Variants in KDM4C observed in about 807,000 individuals in gnomAD.
KDM4C encodes the protein lysine-specific demethylase 4C.
Under a neutral mutation model 129.3 loss-of-function variants are expected in KDM4C, and 81 were observed. The observed-to-expected ratio is 0.63, with a 90% confidence interval of 0.52 to 0.75. KDM4C has a LOEUF of 0.75. KDM4C is among the 30% of genes least tolerant of loss of function. KDM4C has a pLI of 0.00. For missense variants in KDM4C, 1,457 were observed against 1,304.0 expected, an observed-to-expected ratio of 1.12 and a Z score of -1.81; for synonymous variants, 573 against 456.1, an observed-to-expected ratio of 1.26 and a Z score of -3.26.
At chr9:6,757,591 C>T, upstream of KDM4C, 7 of 977,878 alleles carry the variant, frequency 7.2e-6, no homozygotes, top group Non-Finnish European at 8.5e-6. Context: ...CCAGTACATT[C>T]CGAGGCTCCA....
At chr9:6,781,230 T>C (rs1824273475) in intron 1 of KDM4C, among the ~76,000 whole-genome samples, 1 of 152,184 alleles carries the variant, frequency 6.6e-6, no homozygotes. Flanking sequence ...TTGATTCTCA[T>C]TATTTGCAGT....
chr9:6,818,992 G>A (rs1210532932), intron 4 of KDM4C: 1 of 152,180 alleles, frequency 6.6e-6, no homozygotes, highest in African/African-American at 2.4e-5. Flanking sequence ...AGGCTTCTGA[G>A]AAGAAGGTTG....
At chr9:7,061,314 C>G (rs2890736) in intron 17 of KDM4C, among the ~76,000 whole-genome samples, 81,110 of 152,038 alleles carry the variant, frequency 0.53, 22,702 homozygotes, top group Non-Finnish European at 0.63. Context: ...GGATGCATAT[C>G]AATTTCATGT....
In KDM4C at chr9:6,902,351, A is replaced by G. The variant is rs111925019; in HGVS notation, c.921+9119A>G. Among the ~76,000 whole-genome samples, 579 of 152,300 alleles carry G rather than the reference A, an allele frequency of 3.8e-3. 4 individuals are homozygous for G. Among genetic ancestry groups the G allele is most frequent in the African/African-American group, 0.013 (550 of 41,554 alleles). On this transcript the variant is annotated intron_variant, in intron 8 of 21. Transcript: ENST00000381309. Reference sequence around the variant, plus strand: ...AATAGAGTAGATGTTAAAGATAGGAATGCACTGTATATACCTCTTTCTGAA... The same window carrying G: ...AATAGAGTAGATGTTAAAGATAGGAGTGCACTGTATATACCTCTTTCTGAA...
At chr9:7,053,277 AG>A (rs1379235148) in intron 17 of KDM4C, among the ~76,000 whole-genome samples, 15 of 152,316 alleles carry the variant, frequency 9.8e-5, no homozygotes, top group African/African-American at 3.6e-4. Context: ...ATTTATTCAG[AG>A]CTTCAACCTA....
intron 1 of KDM4C, among the ~76,000 whole-genome samples, chr9:6,722,740 C>A (rs1387535729): frequency 1.3e-5 from 2 of 151,936 alleles, no homozygotes; most frequent in Non-Finnish European, 2.9e-5. Context: ...CTCGAACTCT[C>A]AACCTCAGGT....
chr9:6,921,154 A>C (rs1821430866), intron 8 of KDM4C, among the ~76,000 whole-genome samples: 1 of 152,006 alleles, frequency 6.6e-6, no homozygotes. Flanking sequence ...CTTAGTCCTC[A>C]GGTTTCATTT....
chr9:6,729,330 C>T (rs1817250487), intron 1 of KDM4C, among the ~76,000 whole-genome samples: 1 of 130,806 alleles, frequency 7.6e-6, no homozygotes, highest in Non-Finnish European at 1.5e-5. Flanking sequence ...TGCTTGAGTA[C>T]AGGAGTTCAA....
At chr9:6,875,773 A>G (rs1563741612) in intron 5 of KDM4C, among the ~76,000 whole-genome samples, 2 of 151,990 alleles carry the variant, frequency 1.3e-5, no homozygotes, top group African/African-American at 4.8e-5. Context: ...ATGTATTTCT[A>G]CCCCCGCTAC....
intron 8 of KDM4C, among the ~76,000 whole-genome samples, chr9:6,972,848 T>TTAAATTTGGC (rs1323423954): frequency 1.3e-5 from 2 of 152,250 alleles, no homozygotes; most frequent in Admixed American, 1.3e-4. Flanking sequence ...TTGATTATGT[T>TTAAATTTGGC]TAAATTTGGC....
At chr9:6,777,981 C>T (rs1022179421) in intron 1 of KDM4C, among the ~76,000 whole-genome samples, 9 of 150,454 alleles carry the variant, frequency 6.0e-5, no homozygotes, top group African/African-American at 2.2e-4. Context: ...AGTGCAGTGG[C>T]AAAATCATAG....
chr9:6,958,060 T>C (rs1177457086), intron 8 of KDM4C, among the ~76,000 whole-genome samples: 1 of 148,972 alleles, frequency 6.7e-6, no homozygotes, highest in Non-Finnish European at 1.5e-5. Flanking sequence ...TTATAACAAC[T>C]GAGGGTTTGC....
intron 15 of KDM4C, among the ~76,000 whole-genome samples, chr9:7,031,639 A>T (rs7466897): frequency 6.6e-6 from 1 of 152,138 alleles, no homozygotes; most frequent in South Asian, 2.1e-4. Flanking sequence ...ATACATATAT[A>T]TGTATATATA....
At chr9:6,756,783 A>T (rs1238316324), upstream of KDM4C, among the ~76,000 whole-genome samples, 1 of 152,226 alleles carries the variant, frequency 6.6e-6, no homozygotes, top group Admixed American at 6.5e-5. Flanking sequence ...ATGGTGACCC[A>T]ATAATCCCGT....
intron 19 of KDM4C, among the ~76,000 whole-genome samples, chr9:7,155,975 A>G (rs1214176050): frequency 2.0e-5 from 3 of 152,226 alleles, no homozygotes; most frequent in Non-Finnish European, 4.4e-5. Flanking sequence ...ACTCCCACCA[A>G]CAGTGTAAAA....
chr9:6,859,189 C>A (rs10975859), intron 5 of KDM4C, among the ~76,000 whole-genome samples: 27,491 of 152,050 alleles, frequency 0.18, 3,327 homozygotes, highest in Middle Eastern at 0.36. Flanking sequence ...TAGAAATCAT[C>A]TCTGGTGGCC....
intron 1 of KDM4C, among the ~76,000 whole-genome samples, chr9:6,759,574 A>G (rs145560029): frequency 4.7e-4 from 71 of 152,278 alleles, no homozygotes; most frequent in African/African-American, 1.4e-3. Flanking sequence ...GCTTTACAGT[A>G]TCCCGCAAAC....
intron 1 of KDM4C, among the ~76,000 whole-genome samples, chr9:6,769,110 A>G (rs902427184): frequency 2.6e-5 from 4 of 151,984 alleles, no homozygotes; most frequent in Non-Finnish European, 4.4e-5. Context: ...ATTTTCATCA[A>G]TACTCTTAAG....
intron 6 of KDM4C, among the ~76,000 whole-genome samples, chr9:6,884,129 C>T (rs1844894396): frequency 6.6e-6 from 1 of 152,110 alleles, no homozygotes; most frequent in African/African-American, 2.4e-5. Context: ...TGGCACTCCT[C>T]CTGGAGCGCT....
Sources: gnomAD v4.1 joint callset for allele counts (sites outside exome capture counted in the v4.1 genomes callset) on GRCh38, gnomAD v4.1.1 for gene constraint, MANE v1.5 for transcripts, NCBI Gene and HGNC (gene_info 2026-07-23, HGNC 2026-07-21) for gene names.